RAD9B: variants seen among roughly 807,000 people sequenced by gnomAD.
RAD9B encodes cell cycle checkpoint control protein RAD9B.
Under a neutral mutation model 48.3 loss-of-function variants are expected in RAD9B, and 41 were observed. The ratio of observed to expected loss-of-function variants is 0.85; its 90% CI spans 0.66 to 1.10. The LOEUF is 1.10. RAD9B is among the 50% of genes least tolerant of loss of function. RAD9B has a pLI of 0.00. For missense variants in RAD9B, 444 were observed against 485.1 expected, an observed-to-expected ratio of 0.92 and a Z score of 0.80; for synonymous variants, 160 against 157.9, an observed-to-expected ratio of 1.01 and a Z score of -0.10.
At chr12:110,512,393 C>T (rs746299927) in intron 4 of RAD9B, among the ~76,000 whole-genome samples, 4 of 152,004 alleles carry the variant, frequency 2.6e-5, no homozygotes, top group Non-Finnish European at 5.9e-5. Flanking sequence ...AAGCGATCCA[C>T]CTGCCTTGGC....
intron 6 of RAD9B, among the ~76,000 whole-genome samples, chr12:110,517,341 T>G (rs1014991432): frequency 3.3e-5 from 5 of 151,330 alleles, no homozygotes; most frequent in African/African-American, 1.2e-4. Context: ...AAAAAATTAA[T>G]GGGCCGGGCG....
chr12:110,522,057 T>G, intron 9 of RAD9B, 120 bp from the exon 10 acceptor site: 2 of 649,266 alleles, frequency 3.1e-6, no homozygotes, highest in Non-Finnish European at 5.3e-6. Context: ...TTTAGTTCCA[T>G]GTATTTCAAT....
chr12:110,503,333 G>T (rs1037752370), intron 1 of RAD9B: 5 of 159,022 alleles, frequency 3.1e-5, no homozygotes, highest in Non-Finnish European at 5.6e-5. Flanking sequence ...TTCTGTGGTG[G>T]GGAAATCTGG....
chr12:110,517,066 A>G (rs1014996233), intron 6 of RAD9B, among the ~76,000 whole-genome samples: 31 of 151,702 alleles, frequency 2.0e-4, no homozygotes, highest in African/African-American at 6.8e-4. Context: ...GCCAGGTACA[A>G]TGGCTCACCC....
rs1221537481 is a variant in RAD9B at position 110,518,661 on chromosome 12, C to T, written c.596-15C>T. ...GAACTAATTTTATTCTTTATTTTCCCATAATATTAAACAGATTTGAGCAAT... is the reference window on the plus strand; with the variant it reads ...GAACTAATTTTATTCTTTATTTTCCTATAATATTAAACAGATTTGAGCAAT... On this transcript the variant is annotated splice_polypyrimidine_tract_variant and intron_variant, in intron 6 of 10. Coordinates refer to ENST00000409300, the MANE Select transcript of RAD9B (RefSeq NM_001286535.2). 3 of 1,511,020 alleles carry T rather than the reference C, an allele frequency of 2.0e-6. No individual in the cohort carries two copies. The highest frequency in any genetic ancestry group is 1.2e-5 in the South Asian group (1 of 81,056). 93.6% of individuals were successfully genotyped at this position (1,511,020 alleles called of 1,614,324 possible).
chr12:110,520,628 C>CTTTTTTTTTTTTTTTTTTTTTTTTT (rs71083129), intron 9 of RAD9B, among the ~76,000 whole-genome samples: 233 of 99,886 alleles, frequency 2.3e-3, no homozygotes, highest in Middle Eastern at 0.01. Flanking sequence ...TTCTTGCTTT[C>CTTTTTTTTTTTTTTTTTTTTTTTTT]TTTTTTTTTT....
At chr12:110,507,338 A>G (rs2063306567) in intron 4 of RAD9B, among the ~76,000 whole-genome samples, 4 of 144,576 alleles carry the variant, frequency 2.8e-5, no homozygotes, top group Admixed American at 2.2e-4. Context: ...TTGATTATAT[A>G]TATGTATATT....
intron 10 of RAD9B, among the ~76,000 whole-genome samples, chr12:110,527,719 G>T (rs1261098723): frequency 6.6e-6 from 1 of 152,198 alleles, no homozygotes; most frequent in Non-Finnish European, 1.5e-5. Context: ...GGTATAACAT[G>T]ACTAAATATA....
chr12:110,513,820 T>A (rs2063533922), intron 5 of RAD9B, among the ~76,000 whole-genome samples: 1 of 151,752 alleles, frequency 6.6e-6, no homozygotes, highest in Admixed American at 6.6e-5. Flanking sequence ...ACCTCCTGGG[T>A]TCAAACAATT....
At chr12:110,506,757 A>T (rs1303483187) in intron 4 of RAD9B, 64 bp downstream of exon 4, 2 of 799,390 alleles carry the variant, frequency 2.5e-6, no homozygotes, top group Admixed American at 4.1e-5. Flanking sequence ...CATGTTTAGA[A>T]CATTGATATT....
intron 3 of RAD9B, 134 bp downstream of exon 3, chr12:110,505,906 A>G: frequency 1.3e-6 from 1 of 740,938 alleles, no homozygotes; most frequent in Non-Finnish European, 2.0e-6. Flanking sequence ...TATTTTTGAG[A>G]CAGAGTCTCG....
intron 10 of RAD9B, among the ~76,000 whole-genome samples, chr12:110,523,717 G>T (rs924263637): frequency 6.6e-6 from 1 of 152,026 alleles, no homozygotes; most frequent in Non-Finnish European, 1.5e-5. Flanking sequence ...GCTGCTTCAG[G>T]TCCCTGAAAT....
intron 10 of RAD9B, among the ~76,000 whole-genome samples, chr12:110,529,669 A>G (rs1358018184): frequency 6.6e-6 from 1 of 152,088 alleles, no homozygotes; most frequent in Non-Finnish European, 1.5e-5. Flanking sequence ...AGGATTGCCC[A>G]GGAGTTTGAG....
At position 110,503,798 on chromosome 12, in the gene RAD9B, C is replaced by T; in HGVS notation, c.47-8C>T. The T allele has an allele frequency of 6.2e-7, 1 of 1,600,622 alleles. No homozygotes were observed. The highest frequency in any genetic ancestry group is 8.5e-7 in the Non-Finnish European group (1 of 1,170,706). Reference sequence around the variant, plus strand: ...GAATATAAGCATCACCTTTCTTTTTCTCCATAGTATTTGGGAAAGCAGTTC... The same window carrying T: ...GAATATAAGCATCACCTTTCTTTTTTTCCATAGTATTTGGGAAAGCAGTTC... On this transcript the variant is annotated splice_region_variant and splice_polypyrimidine_tract_variant and intron_variant, in intron 1 of 10. Coordinates refer to ENST00000409300, the MANE Select transcript of RAD9B (RefSeq NM_001286535.2).
intron 2 of RAD9B, 40 bp from the exon 3 acceptor site, chr12:110,505,577 G>A: frequency 6.7e-7 from 1 of 1,499,254 alleles, no homozygotes; most frequent in South Asian, 1.3e-5. Flanking sequence ...GAGCCACCAT[G>A]CGCAACCTCT....
Position 110,531,557 on chromosome 12 carries a change from G to T in RAD9B, c.*904G>T. The T allele has an allele frequency of 6.6e-7, 1 of 1,516,286 alleles. No homozygotes were observed. Among genetic ancestry groups the T allele is most frequent in the Non-Finnish European group, 9.1e-7 (1 of 1,096,104 alleles). 93.9% of individuals were successfully genotyped at this position (1,516,286 alleles called of 1,614,324 possible). ...TCAAATTGTTCTGATTTTCAGATGT[G>T]ATTTTTTATTTTGCAGTGTGCTGCA... On this transcript the variant is annotated 3_prime_UTR_variant, in exon 11 of 11. Coordinates refer to ENST00000409300, the MANE Select transcript of RAD9B (RefSeq NM_001286535.2).
intron 4 of RAD9B, among the ~76,000 whole-genome samples, chr12:110,512,075 G>A (rs1370299263): frequency 6.6e-6 from 1 of 151,528 alleles, no homozygotes; most frequent in African/African-American, 2.4e-5. Flanking sequence ...TCTATCTCCT[G>A]ACCTCATGAT....
chr12:110,506,725 A>T lies in RAD9B; in HGVS notation c.388+32A>T, dbSNP rs771369658. 4.8e-6 allele frequency: 5 copies of T among 1,044,134 alleles called. No homozygotes were observed. The East Asian group carries it at 1.2e-4, about 25-fold the overall frequency. The allele number at this position is 1,044,134 out of a possible 1,614,324, so 64.7% of individuals were successfully genotyped here. On this transcript the variant is annotated intron_variant, in intron 4 of 10. Coordinates refer to ENST00000409300, the MANE Select transcript of RAD9B (RefSeq NM_001286535.2). ...ATAATTAAAAGTGGTTTAAAATACTATGTTTTTTTCTCAATAGTTTTCATG... is the reference window on the plus strand; with the variant it reads ...ATAATTAAAAGTGGTTTAAAATACTTTGTTTTTTTCTCAATAGTTTTCATG...
rs2063691132 is a variant in RAD9B at position 110,518,930 on chromosome 12, C to T, written c.759C>T (p.Phe253=). ...THAPISIYFD[F]PGKPLALSID... is the part of the protein sequence containing the mutation. The stretch of plus-strand genomic sequence containing the variant: ...CTCCTATATCCATTTATTTTGATTT[C>T]CCTGGGAAGTAGGTCCTTGAGAATT... The change falls in exon 8 of 11, where the codon TTC becomes TTT. Residue 253 remains phenylalanine (F), a synonymous_variant. Coordinates refer to ENST00000409300, the MANE Select transcript of RAD9B (RefSeq NM_001286535.2). 1.3e-6 allele frequency: 2 copies of T among 1,561,522 alleles called. No individual in the cohort carries two copies. Among genetic ancestry groups the T allele is most frequent in the Admixed American group, 1.9e-5 (1 of 51,742 alleles).
Sources: gnomAD v4.1 joint callset for allele counts (sites outside exome capture counted in the v4.1 genomes callset) on GRCh38, gnomAD v4.1.1 for gene constraint, MANE v1.5 for transcripts, NCBI Gene and HGNC (gene_info 2026-07-23, HGNC 2026-07-21) for gene names.